DCUN1D3: variants seen among roughly 807,000 people sequenced by gnomAD.
DCUN1D3 encodes the protein defective in cullin neddylation 1 domain containing 3, also known as DCN1-like protein 3.
Under a neutral mutation model 24.8 loss-of-function variants are expected in DCUN1D3, and 6 were observed. The ratio of observed to expected loss-of-function variants is 0.24; its 90% confidence interval spans 0.13 to 0.48. DCUN1D3 has a LOEUF of 0.48. DCUN1D3 is among the 20% of genes least tolerant of loss of function. The pLI is 0.99. For synonymous variants in DCUN1D3, 120 were observed against 144.9 expected (o/e 0.83, Z 1.24); for missense variants, 258 against 379.4 (o/e 0.68, Z 2.66).
intron 1 of DCUN1D3, among the ~76,000 whole-genome samples, chr16:20,897,094 G>C (rs1237574008): frequency 6.6e-6 from 1 of 152,176 alleles, no homozygotes; most frequent in African/African-American, 2.4e-5. Flanking sequence ...TTCTAATACT[G>C]AGTTTACTAC....
rs2081838927 is a variant in DCUN1D3 at position 20,880,629 on chromosome 16, A to AC, written c.-105-17987dup. Reference sequence around the variant, plus strand: ...CAAAAAAAAAAAAAAAAAAAAAAAAACAGAAAAAAGAAAAAAGAAAAGAAA... The same window carrying AC: ...CAAAAAAAAAAAAAAAAAAAAAAAAACCAGAAAAAAGAAAAAAGAAAAGAAA... On this transcript the variant is annotated intron_variant, in intron 1 of 2. Coordinates refer to ENST00000324344, the MANE Select transcript of DCUN1D3 (RefSeq NM_173475.4). Among the ~76,000 whole-genome samples the AC allele has an allele frequency of 1.1e-4, 14 of 128,144 alleles. No individual in the cohort carries two copies. In the South Asian group the frequency reaches 3.5e-3, roughly 32 times the overall value. 84.1% of individuals were successfully genotyped at this position (128,144 alleles called of 152,430 possible).
rs1243886954 is a variant in DCUN1D3, at chr16:20,855,787, CTG to C, written c.*4097_*4098del. ...CTTCTTTATATGATCAGAAAACACACTGTGGAATAAGAGGAGGATCAATGTCG... is the reference window on the plus strand; with the variant it reads ...CTTCTTTATATGATCAGAAAACACACTGGAATAAGAGGAGGATCAATGTCG... On this transcript the variant is annotated 3_prime_UTR_variant, in exon 3 of 3. Coordinates refer to ENST00000324344, the MANE Select transcript of DCUN1D3 (RefSeq NM_173475.4). 1 of 152,222 alleles carries C rather than the reference CTG, an allele frequency of 6.6e-6. No individual in the cohort carries two copies. Among genetic ancestry groups the C allele is most frequent in the Non-Finnish European group, 1.5e-5 (1 of 68,070 alleles). The allele number at this position is 152,222 out of a possible 1,614,324, so 9.4% of individuals were successfully genotyped here.
chr16:20,869,980 T>C (rs2081780179), intron 1 of DCUN1D3, among the ~76,000 whole-genome samples: 1 of 152,090 alleles, frequency 6.6e-6, no homozygotes, highest in Non-Finnish European at 1.5e-5. Flanking sequence ...CAACATCCTA[T>C]CAATGCCTAA....
intron 2 of DCUN1D3, among the ~76,000 whole-genome samples, chr16:20,861,395 G>A (rs1400167360): frequency 6.0e-5 from 9 of 149,412 alleles, no homozygotes; most frequent in African/African-American, 1.2e-4. Flanking sequence ...GGAGAGAGGC[G>A]TATCCCCTCC....
intron 1 of DCUN1D3, among the ~76,000 whole-genome samples, chr16:20,875,763 CAA>C (rs1567425859): frequency 6.6e-6 from 1 of 151,514 alleles, no homozygotes; most frequent in African/African-American, 2.4e-5. Context: ...GCAACCAAAG[CAA>C]AAAGAGACAA....
chr16:20,874,405 A>G (rs1054941506), intron 1 of DCUN1D3, among the ~76,000 whole-genome samples: 1 of 152,226 alleles, frequency 6.6e-6, no homozygotes, highest in Non-Finnish European at 1.5e-5. Flanking sequence ...CTTCAAGTAG[A>G]TATGCCACAG....
In DCUN1D3 at chr16:20,860,541, T is replaced by C. The variant is rs182396062; in HGVS notation, c.432-172A>G. Among the ~76,000 whole-genome samples the C allele has an allele frequency of 4.6e-3, 696 of 152,346 alleles. 7 individuals are homozygous for C. The highest frequency in any genetic ancestry group is 0.016 in the African/African-American group (668 of 41,574). On this transcript the variant is annotated intron_variant, in intron 2 of 2. Coordinates refer to ENST00000324344, the MANE Select transcript of DCUN1D3 (RefSeq NM_173475.4). This position sits in a 1 kb window ranked among gnomAD's most constrained non-coding sequence, Gnocchi z 4.3. ...TTGTCAAATGGTAAAAATACCACCTTACTTCATAGGGTTTTGGTGAGGACT... is the reference window on the plus strand; with the variant it reads ...TTGTCAAATGGTAAAAATACCACCTCACTTCATAGGGTTTTGGTGAGGACT...
chr16:20,871,008 A>C (rs2081785806), intron 1 of DCUN1D3, among the ~76,000 whole-genome samples: 1 of 152,194 alleles, frequency 6.6e-6, no homozygotes, highest in Non-Finnish European at 1.5e-5. Context: ...ACCTGAGAAA[A>C]AGACGGAATA....
intron 1 of DCUN1D3, among the ~76,000 whole-genome samples, chr16:20,892,002 C>T (rs2081894323): frequency 6.6e-6 from 1 of 152,134 alleles, no homozygotes; most frequent in African/African-American, 2.4e-5. Flanking sequence ...GTCCACAATA[C>T]CACCAACCAC....
In DCUN1D3 at chr16:20,855,162, A is replaced by AG. The variant is rs1293400969; in HGVS notation, c.*4723dup. 2.0e-5 allele frequency: 3 copies of AG among 152,248 alleles called. No individual in the cohort carries two copies. Among genetic ancestry groups the AG allele is most frequent in the Non-Finnish European group, 2.9e-5 (2 of 68,042 alleles). The allele number at this position is 152,248 out of a possible 1,614,324, so 9.4% of individuals were successfully genotyped here. On this transcript the variant is annotated 3_prime_UTR_variant, in exon 3 of 3. Coordinates refer to ENST00000324344, the MANE Select transcript of DCUN1D3 (RefSeq NM_173475.4). ...GTCACAAACCAAGAGGGATCCACAA[A>AG]GGTGGAGGGTCACATGAGCAGTGGA...
In DCUN1D3 at chr16:20,859,596, G is replaced by T; in HGVS notation, c.*290C>A. 8.5e-6 allele frequency: 1 copy of T among 117,028 alleles called. No homozygotes were observed. 7.2% of individuals were successfully genotyped at this position (117,028 alleles called of 1,614,324 possible). A position where few individuals can be genotyped will look rare whatever the true frequency, so the allele number is the denominator to read the frequency against. ...AAAAAAAAAACCTAAATTTGTGCAA[G>T]AAATGGCAGGCTTATTCTATCTGAA... is the stretch of plus-strand genomic sequence containing the variant. On this transcript the variant is annotated 3_prime_UTR_variant, in exon 3 of 3. Transcript: ENST00000324344.
rs1199948483 is a variant in DCUN1D3 at position 20,859,796 on chromosome 16, G to A, written c.*90C>T. The A allele has an allele frequency of 3.9e-5, 58 of 1,474,746 alleles. No homozygotes were observed. The highest frequency in any genetic ancestry group is 4.4e-5 in the Non-Finnish European group (49 of 1,105,154). The allele number at this position is 1,474,746 out of a possible 1,614,324, so 91.4% of individuals were successfully genotyped here. A position where few individuals can be genotyped will look rare whatever the true frequency, so the allele number is the denominator to read the frequency against. ...GAAAGGTGTAAAGTAGAAAATATCC[G>A]GATCTTCAGTAATTTCCAAAATGGT... On this transcript the variant is annotated 3_prime_UTR_variant, in exon 3 of 3. Transcript: ENST00000324344.
intron 1 of DCUN1D3, among the ~76,000 whole-genome samples, chr16:20,876,041 C>T (rs948220640): frequency 2.0e-5 from 3 of 152,192 alleles, no homozygotes; most frequent in Non-Finnish European, 4.4e-5. Context: ...TCTCGGCTCA[C>T]TGCAACCAAT....
intron 1 of DCUN1D3, among the ~76,000 whole-genome samples, chr16:20,895,207 G>A (rs1312300903): frequency 6.6e-6 from 1 of 152,132 alleles, no homozygotes; most frequent in African/African-American, 2.4e-5. Flanking sequence ...CAATTCTCCT[G>A]CCTTAGCCAC....
chr16:20,862,610 C>T lies in DCUN1D3; in HGVS notation c.-72G>A. 1.3e-6 allele frequency: 2 copies of T among 1,528,150 alleles called. No individual in the cohort carries two copies. Among genetic ancestry groups the T allele is most frequent in the Non-Finnish European group, 8.7e-7 (1 of 1,147,842 alleles). 94.7% of individuals were successfully genotyped at this position (1,528,150 alleles called of 1,614,324 possible). On this transcript the variant is annotated 5_prime_UTR_variant, in exon 2 of 3. Coordinates refer to ENST00000324344, the MANE Select transcript of DCUN1D3 (RefSeq NM_173475.4). ...CCCTCGCTGCCGCTGGCCCATGTAC[C>T]TCAACATGCCATCAGCCAGAGGAGC...
Position 20,859,704 on chromosome 16 carries a change from C to CA in DCUN1D3, c.*181dup, listed in dbSNP as rs921289965. 78 of 799,262 alleles carry CA rather than the reference C, an allele frequency of 9.8e-5. No individual in the cohort carries two copies. The highest frequency in any genetic ancestry group is 3.9e-4 in the Middle Eastern group (1 of 2,588). The allele number at this position is 799,262 out of a possible 1,614,324, so 49.5% of individuals were successfully genotyped here. A position where few individuals can be genotyped will look rare whatever the true frequency, so the allele number is the denominator to read the frequency against. ...CCAAAAAGGAAATAACCAAAATAAC[C>CA]AAAAAAATGAAGAAAGTGCCTAAAA... On this transcript the variant is annotated 3_prime_UTR_variant, in exon 3 of 3. Coordinates refer to ENST00000324344, the MANE Select transcript of DCUN1D3 (RefSeq NM_173475.4).
chr16:20,855,671 A>G lies in DCUN1D3; in HGVS notation c.*4215T>C, dbSNP rs2081699159. 6.6e-6 allele frequency: 1 copy of G among 152,232 alleles called. No individual in the cohort carries two copies. The highest frequency in any genetic ancestry group is 2.4e-5 in the African/African-American group (1 of 41,460). 9.4% of individuals were successfully genotyped at this position (152,232 alleles called of 1,614,324 possible). The stretch of plus-strand genomic sequence containing the variant: ...AGGGGGAAAACCCCTGCCGATCCTC[A>G]CCAACATGCAGTCCCAGTCCAGTTT... On this transcript the variant is annotated 3_prime_UTR_variant, in exon 3 of 3. Coordinates refer to ENST00000324344, the MANE Select transcript of DCUN1D3 (RefSeq NM_173475.4).
intron 1 of DCUN1D3, among the ~76,000 whole-genome samples, chr16:20,893,244 G>A (rs1486402852): frequency 3.3e-5 from 5 of 151,572 alleles, no homozygotes; most frequent in Non-Finnish European, 5.9e-5. Context: ...TGCGATCTCA[G>A]CTCACTGCAG....
intron 1 of DCUN1D3, among the ~76,000 whole-genome samples, chr16:20,895,682 A>G (rs564939898): frequency 1.3e-5 from 2 of 152,206 alleles, no homozygotes; most frequent in Non-Finnish European, 2.9e-5. Flanking sequence ...TCACCACCCA[A>G]AAGAATAGGA....
Sources: allele counts gnomAD v4.1 joint callset (sites outside exome capture counted in the v4.1 genomes callset), GRCh38; gene constraint gnomAD v4.1.1; non-coding constraint Gnocchi (gnomAD v3.1); transcripts MANE v1.5; gene names NCBI Gene and HGNC (gene_info 2026-07-23, HGNC 2026-07-21).